PAPPA: variants seen among roughly 807,000 people sequenced by gnomAD.
PAPPA encodes the protein pappalysin-1.
A neutral mutation model predicts 164.0 loss-of-function variants in PAPPA; 60 were observed. That is an observed-to-expected ratio of 0.37 (90% CI 0.30 to 0.45). PAPPA has a LOEUF of 0.45. Among genes scored for constraint, PAPPA ranks in the 20% least tolerant of loss-of-function variants. The pLI, the probability that PAPPA is intolerant of heterozygous loss-of-function variation, is 1.00. For missense variants in PAPPA, 1,782 were observed against 2,087.3 expected (o/e 0.85, Z 2.85); for synonymous variants, 875 against 814.1 (o/e 1.07, Z -1.27).
intron 2 of PAPPA, among the ~76,000 whole-genome samples, chr9:116,200,412 A>G (rs1844158796): frequency 1.3e-5 from 2 of 152,176 alleles, no homozygotes; most frequent in Non-Finnish European, 2.9e-5. Flanking sequence ...GGTAGCATCC[A>G]ACAGACTAGG....
intron 2 of PAPPA, among the ~76,000 whole-genome samples, chr9:116,193,692 A>T (rs1844070780): frequency 6.6e-6 from 1 of 152,182 alleles, no homozygotes; most frequent in South Asian, 2.1e-4. Flanking sequence ...ACATTCCATT[A>T]AGACACCTTA....
chr9:116,305,844 C>T (rs1213892363), intron 10 of PAPPA, among the ~76,000 whole-genome samples: 1 of 152,142 alleles, frequency 6.6e-6, no homozygotes, highest in Admixed American at 6.5e-5. Flanking sequence ...ACAAAACAGG[C>T]AGAAAGACTC....
intron 21 of PAPPA, among the ~76,000 whole-genome samples, chr9:116,392,349 C>T (rs1020263918): frequency 6.6e-6 from 1 of 152,296 alleles, no homozygotes; most frequent in Middle Eastern, 3.4e-3. Context: ...AACTCACTGA[C>T]TGGTACTGAG....
At chr9:116,356,120 C>T (rs1728645908) in intron 17 of PAPPA, among the ~76,000 whole-genome samples, 1 of 152,212 alleles carries the variant, frequency 6.6e-6, no homozygotes, top group East Asian at 1.9e-4. Flanking sequence ...CACTCTCTTC[C>T]ACTGCCACTA....
intron 1 of PAPPA, among the ~76,000 whole-genome samples, chr9:116,182,363 T>G (rs901125383): frequency 6.6e-6 from 1 of 152,160 alleles, no homozygotes; most frequent in Non-Finnish European, 1.5e-5. Flanking sequence ...GGGTTGGATG[T>G]TAGGTATTTA....
intron 5 of PAPPA, among the ~76,000 whole-genome samples, chr9:116,221,975 G>T (rs1844452330): frequency 6.6e-6 from 1 of 152,172 alleles, no homozygotes; most frequent in African/African-American, 2.4e-5. Flanking sequence ...GATAAGAAGT[G>T]TTAGCCAGGG....
chr9:116,197,995 A>G (rs1844127637), intron 2 of PAPPA, among the ~76,000 whole-genome samples: 2 of 152,238 alleles, frequency 1.3e-5, no homozygotes, highest in African/African-American at 2.4e-5. Flanking sequence ...TTCCTAAAAC[A>G]TTGACTGCTG....
chr9:116,272,248 AG>A (rs1211496068), intron 9 of PAPPA, among the ~76,000 whole-genome samples: 3 of 152,190 alleles, frequency 2.0e-5, no homozygotes, highest in Non-Finnish European at 2.9e-5. Context: ...TGAAGATCAA[AG>A]GTCCCCCAGC....
intron 1 of PAPPA, among the ~76,000 whole-genome samples, chr9:116,171,525 C>T (rs1331053077): frequency 1.3e-5 from 2 of 148,180 alleles, no homozygotes; most frequent in African/African-American, 4.9e-5. Context: ...CCTTACAAAG[C>T]CCAGTGTTAG....
intron 7 of PAPPA, among the ~76,000 whole-genome samples, chr9:116,264,347 T>C (rs1436824129): frequency 6.6e-6 from 1 of 152,228 alleles, no homozygotes; most frequent in East Asian, 1.9e-4. Flanking sequence ...TGTCCACCTA[T>C]TTCATCTTCA....
chr9:116,163,394 C>A (rs1843689913), intron 1 of PAPPA, among the ~76,000 whole-genome samples: 1 of 152,154 alleles, frequency 6.6e-6, no homozygotes, highest in Non-Finnish European at 1.5e-5. Context: ...CTGAGGCTCT[C>A]TGGAGAAGGC....
intron 19 of PAPPA, among the ~76,000 whole-genome samples, chr9:116,374,480 C>T (rs1846623900): frequency 6.6e-6 from 1 of 152,170 alleles, no homozygotes; most frequent in South Asian, 2.1e-4. Flanking sequence ...TTCTAGCACA[C>T]AGAGGGGTCC....
In PAPPA at chr9:116,389,488, G is replaced by A. The variant is rs183088525; in HGVS notation, c.4776+6995G>A. On this transcript the variant is annotated intron_variant, in intron 21 of 21. Transcript: ENST00000328252. ...TTTCCCAATGCCTACAAAGCTCTTGGGAAAATGTGGGTGCTTTGCCCACCC... is the reference window on the plus strand; with the variant it reads ...TTTCCCAATGCCTACAAAGCTCTTGAGAAAATGTGGGTGCTTTGCCCACCC... Among the ~76,000 whole-genome samples, 378 of 152,180 alleles carry A rather than the reference G, an allele frequency of 2.5e-3. 4 individuals carry two copies. Among genetic ancestry groups the A allele is most frequent in the African/African-American group, 8.7e-3 (361 of 41,506 alleles).
In PAPPA at chr9:116,187,819, T is replaced by C. The variant is rs747878056; in HGVS notation, c.1081T>C (p.Tyr361His). The C allele has an allele frequency of 1.2e-6, 2 of 1,614,144 alleles. No individual in the cohort carries two copies. The highest frequency in any genetic ancestry group is 1.7e-5 in the Admixed American group (1 of 60,016). ...KVVRYRVVNLYEDDHKNPTVT... is the reference protein window; with the variant it reads ...KVVRYRVVNLHEDDHKNPTVT... ...GGTGCGCTACCGCGTGGTCAACCTC[T>C]ATGAAGATGATCATAAGAACCCGAC... Residue 361 changes from tyrosine to histidine, a missense_variant, in exon 2 of 22, where the codon TAT becomes CAT. By Grantham distance (83) the Tyr-to-His change is moderately conservative. Transcript: ENST00000328252. This position sits in a 1 kb window ranked among gnomAD's most constrained non-coding sequence, Gnocchi z 4.2.
intron 13 of PAPPA, among the ~76,000 whole-genome samples, chr9:116,341,941 C>T (rs1211558090): frequency 6.6e-6 from 1 of 152,218 alleles, no homozygotes; most frequent in African/African-American, 2.4e-5. Flanking sequence ...ATTGGTAAAC[C>T]TTGTGCTCCT....
intron 10 of PAPPA, among the ~76,000 whole-genome samples, chr9:116,325,422 T>A (rs1845908769): frequency 6.6e-6 from 1 of 152,116 alleles, no homozygotes; most frequent in African/African-American, 2.4e-5. Flanking sequence ...AGAGGGGGAA[T>A]CGGAGAGTCA....
At chr9:116,221,537 A>G (rs1844446018) in intron 5 of PAPPA, among the ~76,000 whole-genome samples, 1 of 152,162 alleles carries the variant, frequency 6.6e-6, no homozygotes, top group Admixed American at 6.5e-5. Context: ...CATCTTCCTC[A>G]TCTGCTAGAT....
chr9:116,226,099 G>A (rs1030074292), intron 5 of PAPPA, among the ~76,000 whole-genome samples: 1 of 152,242 alleles, frequency 6.6e-6, no homozygotes, highest in African/African-American at 2.4e-5. Flanking sequence ...CAGAGGGGAT[G>A]TGGGTAACAT....
chr9:116,247,414 C>T (rs1041394829), intron 7 of PAPPA, among the ~76,000 whole-genome samples: 4 of 152,070 alleles, frequency 2.6e-5, no homozygotes, highest in Admixed American at 1.3e-4. Context: ...ACCCTGTTTT[C>T]TTATCACATA....
Sources: gnomAD v4.1 joint callset for allele counts (sites outside exome capture counted in the v4.1 genomes callset) on GRCh38, gnomAD v4.1.1 for gene constraint, Gnocchi (gnomAD v3.1) non-coding constraint, MANE v1.5 for transcripts, NCBI Gene and HGNC (gene_info 2026-07-23, HGNC 2026-07-21) for gene names.